Variants in BMP7 observed in about 807,000 individuals in gnomAD.
BMP7 encodes the protein bone morphogenetic protein 7, also known as osteogenic protein 1.
Under a neutral mutation model 41.2 loss-of-function variants are expected in BMP7, and 12 were observed. That is an observed-to-expected ratio of 0.29 (90% CI 0.19 to 0.47). BMP7 has a LOEUF of 0.47. Ranked by LOEUF, BMP7 falls within the 20% of genes least tolerant of loss-of-function variation. BMP7 has a pLI of 0.99. For missense variants in BMP7, 467 were observed against 606.0 expected (o/e 0.77, Z 2.41); for synonymous variants, 248 against 250.0 (o/e 0.99, Z 0.07).
At chr20:57,208,019 C>T (rs899014449) in intron 2 of BMP7, among the ~76,000 whole-genome samples, 4 of 151,692 alleles carry the variant, frequency 2.6e-5, no homozygotes, top group African/African-American at 4.8e-5. Flanking sequence ...TTAGTAGAGA[C>T]GGGGTTTCAC....
In BMP7 at chr20:57,171,254, G is replaced by A; in HGVS notation, c.1147-146C>T. On this transcript the variant is annotated intron_variant, in intron 6 of 6. Transcript: ENST00000395863. This position sits in a 1 kb window ranked among gnomAD's most constrained non-coding sequence, Gnocchi z 4.5. ...CCAAGCCAAGCACTCCCTGTTCTAA[G>A]CACTTTACATGGACAACTCAGTTCT... The A allele has an allele frequency of 8.4e-7, 1 of 1,185,416 alleles. No homozygotes were observed. The highest frequency in any genetic ancestry group is 1.2e-6 in the Non-Finnish European group (1 of 818,098). The allele number at this position is 1,185,416 out of a possible 1,614,324, so 73.4% of individuals were successfully genotyped here. A position where few individuals can be genotyped will look rare whatever the true frequency, so the allele number is the denominator to read the frequency against.
At chr20:57,231,899 G>A (rs1206229717) in intron 1 of BMP7, among the ~76,000 whole-genome samples, 6 of 152,218 alleles carry the variant, frequency 3.9e-5, no homozygotes, top group East Asian at 1.9e-4. Context: ...TGAAGAGCCC[G>A]GAAGTACAAA....
chr20:57,207,311 A>C (rs143012964), intron 2 of BMP7, among the ~76,000 whole-genome samples: 2,508 of 152,310 alleles, frequency 0.016, 36 homozygotes, highest in Non-Finnish European at 0.025. Flanking sequence ...AGAAAAACCA[A>C]GCCAGTCCCC....
rs543974909 is a variant in BMP7, at chr20:57,168,791, C to G, written c.*2168G>C. 1.3e-5 allele frequency: 2 copies of G among 152,190 alleles called. No individual in the cohort carries two copies. The highest frequency in any genetic ancestry group is 2.4e-5 in the African/African-American group (1 of 41,432). The allele number at this position is 152,190 out of a possible 1,614,324, so 9.4% of individuals were successfully genotyped here. On this transcript the variant is annotated 3_prime_UTR_variant, in exon 7 of 7. Coordinates refer to ENST00000395863, the MANE Select transcript of BMP7 (RefSeq NM_001719.3). ...GTCTCCTTTTATTGCAAGGTCAAAC[C>G]CTTTTCATTTTGTCTATTTATACAG...
At chr20:57,184,572 C>T (rs886610943) in intron 3 of BMP7, among the ~76,000 whole-genome samples, 1 of 152,158 alleles carries the variant, frequency 6.6e-6, no homozygotes, top group Non-Finnish European at 1.5e-5. Context: ...GCACCTGCCT[C>T]AGCCCAGTGT....
intron 4 of BMP7, among the ~76,000 whole-genome samples, chr20:57,176,338 C>A (rs2123059243): frequency 6.6e-6 from 1 of 152,332 alleles, no homozygotes; most frequent in East Asian, 1.9e-4. Flanking sequence ...GTCCACCCAA[C>A]CTTAGCTCTG....
rs889493567 is a variant in BMP7 at position 57,261,048 on chromosome 20, T to C, written c.418+4657A>G. On this transcript the variant is annotated intron_variant, in intron 1 of 6. Coordinates refer to ENST00000395863, the MANE Select transcript of BMP7 (RefSeq NM_001719.3). This position sits in a 1 kb window ranked among gnomAD's most constrained non-coding sequence, Gnocchi z 4.1. ...AAATGAGGGAGAGATATTAAAGTGA[T>C]AGGAGTGATCAATCAACTTAGATGG... Among the ~76,000 whole-genome samples the C allele has an allele frequency of 2.6e-5, 4 of 152,284 alleles. No homozygotes were observed. The highest frequency in any genetic ancestry group is 5.9e-5 in the Non-Finnish European group (4 of 68,016).
At position 57,261,689 on chromosome 20, in the gene BMP7, G is replaced by A. The variant is rs560688710; in HGVS notation, c.418+4016C>T. On this transcript the variant is annotated intron_variant, in intron 1 of 6. Transcript: ENST00000395863. This position sits in a 1 kb window ranked among gnomAD's most constrained non-coding sequence, Gnocchi z 4.1. ...TTAACCTTTGGCTGCTCACCAGTGA[G>A]GGCCGGCGCTCCGAGTGCTGGAATG... 6.6e-6 allele frequency among the ~76,000 whole-genome samples: 1 copy of A among 152,344 alleles called. No homozygotes were observed. The highest frequency in any genetic ancestry group is 2.4e-5 in the African/African-American group (1 of 41,586).
chr20:57,244,782 G>T (rs1395593915), intron 1 of BMP7, among the ~76,000 whole-genome samples: 1 of 152,208 alleles, frequency 6.6e-6, no homozygotes, highest in Non-Finnish European at 1.5e-5. Context: ...AAGTGAAGCT[G>T]CCGTCCTCCC....
intron 2 of BMP7, among the ~76,000 whole-genome samples, chr20:57,227,499 GC>G (rs376533360): frequency 3.8e-4 from 58 of 150,952 alleles, no homozygotes; most frequent in African/African-American, 1.4e-3. Context: ...TGCTAAGCCT[GC>G]ACATCACAAG....
rs139462963 is a variant in BMP7, at chr20:57,192,324, T to A, written c.761-8405A>T. Among the ~76,000 whole-genome samples the A allele has an allele frequency of 4.0e-4, 57 of 142,346 alleles. No individual in the cohort carries two copies. The East Asian group carries it at 0.011, about 28-fold the overall frequency. The allele number at this position is 142,346 out of a possible 152,430, so 93.4% of individuals were successfully genotyped here. ...TATATATAAAATATAGAAGACATAT[T>A]AATATATATTATGTATTTTTTATGT... is the stretch of plus-strand genomic sequence containing the variant. On this transcript the variant is annotated intron_variant, in intron 3 of 6. Coordinates refer to ENST00000395863, the MANE Select transcript of BMP7 (RefSeq NM_001719.3).
Position 57,225,110 on chromosome 20 carries a change from C to A in BMP7, c.611+3119G>T, listed in dbSNP as rs1600632928. Among the ~76,000 whole-genome samples the A allele has an allele frequency of 3.3e-5, 5 of 152,306 alleles. 1 individual carries two copies. The highest frequency in any genetic ancestry group is 3.3e-4 in the Admixed American group (5 of 15,310). On this transcript the variant is annotated intron_variant, in intron 2 of 6. Coordinates refer to ENST00000395863, the MANE Select transcript of BMP7 (RefSeq NM_001719.3). The stretch of plus-strand genomic sequence containing the variant: ...CGGGGACAGCAGGGCAGGCTCTGGG[C>A]TCCCCCGGGCTGAGGTCTGCAGGAG...
In BMP7 at chr20:57,173,048, A is replaced by AT. The variant is rs200005274; in HGVS notation, c.1146+151dup. Reference sequence around the variant, plus strand: ...AACCAGTCATAAAGTACAATTTTTGATTTTTTTTTAACGGCGCAAGGGGCC... The same window carrying AT: ...AACCAGTCATAAAGTACAATTTTTGATTTTTTTTTTAACGGCGCAAGGGGCC... On this transcript the variant is annotated intron_variant, in intron 6 of 6. Transcript: ENST00000395863. 2.4e-3 allele frequency: 1,805 copies of AT among 741,768 alleles called. 4 individuals carry two copies. Among genetic ancestry groups the AT allele is most frequent in the Non-Finnish European group, 2.4e-3 (1,009 of 423,238 alleles). 45.9% of individuals were successfully genotyped at this position (741,768 alleles called of 1,614,324 possible). A position where few individuals can be genotyped will look rare whatever the true frequency, so the allele number is the denominator to read the frequency against.
In BMP7 at chr20:57,224,924, G is replaced by A. The variant is rs576500292; in HGVS notation, c.611+3305C>T. ...TTCCGAGAGATCAAGAGGAGTCAGT[G>A]GAAAGTGACTCCCACAAGGGGAGAG... On this transcript the variant is annotated intron_variant, in intron 2 of 6. Coordinates refer to ENST00000395863, the MANE Select transcript of BMP7 (RefSeq NM_001719.3). This position sits in a 1 kb window ranked among gnomAD's most constrained non-coding sequence, Gnocchi z 4.8. The A allele has an allele frequency of 1.3e-5, 2 of 152,396 alleles. No individual in the cohort carries two copies. Among genetic ancestry groups the A allele is most frequent in the South Asian group, 4.1e-4 (2 of 4,832 alleles). The allele number at this position is 152,396 out of a possible 1,614,324, so 9.4% of individuals were successfully genotyped here. A position where few individuals can be genotyped will look rare whatever the true frequency, so the allele number is the denominator to read the frequency against.
chr20:57,236,094 C>G (rs1023636516), intron 1 of BMP7, among the ~76,000 whole-genome samples: 11 of 152,160 alleles, frequency 7.2e-5, no homozygotes, highest in Non-Finnish European at 1.3e-4. Context: ...ATTCTGGCAC[C>G]CAGGCAGCCA....
In BMP7 at chr20:57,188,721, G is replaced by A. The variant is rs760051814; in HGVS notation, c.761-4802C>T. ...TAAATAAACAGTAAGGATGCCTACC[G>A]CAGTGTCTGGCTGTTTACCCAATAA... is the stretch of plus-strand genomic sequence containing the variant. On this transcript the variant is annotated intron_variant, in intron 3 of 6. Coordinates refer to ENST00000395863, the MANE Select transcript of BMP7 (RefSeq NM_001719.3). Among the ~76,000 whole-genome samples, 68 of 152,148 alleles carry A rather than the reference G, an allele frequency of 4.5e-4. 1 individual carries two copies. The highest frequency in any genetic ancestry group is 3.7e-3 in the Admixed American group (57 of 15,274).
At position 57,176,525 on chromosome 20, in the gene BMP7, G is replaced by A. The variant is rs1983925475; in HGVS notation, c.959-1518C>T. On this transcript the variant is annotated intron_variant, in intron 4 of 6. Transcript: ENST00000395863. ...AGGTGTAGACCCTGGAGCACAGTCA[G>A]CCTCTGAGTGGAGTCTAACTCGTGA... Among the ~76,000 whole-genome samples the A allele has an allele frequency of 2.0e-5, 3 of 152,104 alleles. No homozygotes were observed. The South Asian group carries it at 6.2e-4, about 32-fold the overall frequency.
intron 1 of BMP7, among the ~76,000 whole-genome samples, chr20:57,255,020 C>A (rs1282027760): frequency 6.6e-6 from 1 of 152,154 alleles, no homozygotes; most frequent in Non-Finnish European, 1.5e-5. Flanking sequence ...GGAGGTATCA[C>A]AAGCAGGGTG....
At chr20:57,255,161 C>A (rs1326808538) in intron 1 of BMP7, among the ~76,000 whole-genome samples, 2 of 152,168 alleles carry the variant, frequency 1.3e-5, no homozygotes, top group Non-Finnish European at 2.9e-5. Context: ...ACGCTCCCCG[C>A]TACCTATTCG....
Sources: gnomAD v4.1 joint callset for allele counts (sites outside exome capture counted in the v4.1 genomes callset) on GRCh38, gnomAD v4.1.1 for gene constraint, Gnocchi (gnomAD v3.1) non-coding constraint, MANE v1.5 for transcripts, NCBI Gene and HGNC (gene_info 2026-07-23, HGNC 2026-07-21) for gene names.